The following GPALPP1 variants were observed in gnomAD, a reference collection of about 807,000 sequenced individuals.
The protein encoded by GPALPP1 is GPALPP motifs containing 1.
Under a neutral mutation model 38.9 loss-of-function variants are expected in GPALPP1, and 30 were observed. The ratio of observed to expected loss-of-function variants is 0.77; its 90% CI spans 0.58 to 1.05. The LOEUF is 1.05. GPALPP1 is among the 50% of genes least tolerant of loss of function. GPALPP1 has a pLI of 0.00. For missense variants in GPALPP1, 384 were observed against 408.8 expected (o/e 0.94, Z 0.52); for synonymous variants, 120 against 139.2 (o/e 0.86, Z 0.97).
intron 1 of GPALPP1, among the ~76,000 whole-genome samples, chr13:44,996,368 A>G (rs1034300383): frequency 2.0e-5 from 3 of 151,986 alleles, no homozygotes; most frequent in Non-Finnish European, 2.9e-5. Flanking sequence ...AAAAAAAAAA[A>G]ATTCCTTAAG....
rs1218501637 is a variant in GPALPP1 at position 45,030,180 on chromosome 13, CT to C, written c.*2178del. Reference sequence around the variant, plus strand: ...TGGAAAATTTATAATCATAACCCCCCTAATTGGGAGTATTATAAGTTTGTAA... The same window carrying C: ...TGGAAAATTTATAATCATAACCCCCCAATTGGGAGTATTATAAGTTTGTAA... On this transcript the variant is annotated 3_prime_UTR_variant, in exon 8 of 8. Transcript: ENST00000379151. The C allele has an allele frequency of 3.3e-5, 5 of 152,140 alleles. No homozygotes were observed. The highest frequency in any genetic ancestry group is 1.2e-4 in the African/African-American group (5 of 41,422). 9.4% of individuals were successfully genotyped at this position (152,140 alleles called of 1,614,324 possible). A position where few individuals can be genotyped will look rare whatever the true frequency, so the allele number is the denominator to read the frequency against.
intron 1 of GPALPP1, among the ~76,000 whole-genome samples, chr13:44,999,562 A>G (rs1480174946): frequency 1.3e-5 from 2 of 152,180 alleles, no homozygotes; most frequent in East Asian, 3.9e-4. Flanking sequence ...TGTGGCGTAT[A>G]CTGACTGACA....
intron 1 of GPALPP1, among the ~76,000 whole-genome samples, chr13:45,000,524 A>G (rs1175392663): frequency 6.6e-6 from 1 of 152,256 alleles, no homozygotes; most frequent in Admixed American, 6.5e-5. Context: ...ATTGCTTAAA[A>G]TATATAAAAG....
downstream of GPALPP1, among the ~76,000 whole-genome samples, chr13:45,032,838 C>T (rs1876268129): frequency 6.6e-6 from 1 of 151,174 alleles, no homozygotes; most frequent in South Asian, 2.1e-4. Flanking sequence ...GAGTTTGAGA[C>T]CCAGCCTGGG....
At chr13:45,019,314 A>G (rs2138002650) in intron 6 of GPALPP1, among the ~76,000 whole-genome samples, 1 of 151,330 alleles carries the variant, frequency 6.6e-6, no homozygotes, top group South Asian at 2.1e-4. Flanking sequence ...CGCCCAGCTA[A>G]TTTTTTGTAT....
In GPALPP1 at chr13:45,008,868, C is replaced by T. The variant is rs1278664846; in HGVS notation, c.397C>T (p.Pro133Ser). 6.4e-7 allele frequency: 1 copy of T among 1,568,982 alleles called. No homozygotes were observed. Among genetic ancestry groups the T allele is most frequent in the South Asian group, 1.1e-5 (1 of 90,126 alleles). Residue 133 changes from proline to serine, a missense_variant, in exon 4 of 8, where the codon CCA becomes TCA. Physicochemically the swap from Pro to Ser is moderately conservative, Grantham distance 74 (BLOSUM62 -1). Coordinates refer to ENST00000379151, the MANE Select transcript of GPALPP1 (RefSeq NM_018559.5). ...GAAAAGTGACAAGGGCAGAGATGAT[C>T]CAGGACAACAGGTATCATCATCCCA... is the stretch of plus-strand genomic sequence containing the variant. ...TQKSDKGRDDPGQQETDSSED... is the reference protein window; with the variant it reads ...TQKSDKGRDDSGQQETDSSED...
At chr13:45,005,807 T>G (rs1874045533) in intron 2 of GPALPP1, among the ~76,000 whole-genome samples, 1 of 152,102 alleles carries the variant, frequency 6.6e-6, no homozygotes, top group South Asian at 2.1e-4. Context: ...GGGAGATCAC[T>G]TGAGGTCAGG....
chr13:45,029,279 C>A lies in GPALPP1; in HGVS notation c.*1276C>A, dbSNP rs1876064681. The A allele has an allele frequency of 1.3e-5, 2 of 152,134 alleles. No homozygotes were observed. The highest frequency in any genetic ancestry group is 1.9e-4 in the East Asian group (1 of 5,198). The allele number at this position is 152,134 out of a possible 1,614,324, so 9.4% of individuals were successfully genotyped here. ...CAATGAAGAAAAGTTGAAGAATACTCTTTGTCCATCTTTATTTCTTTGTTT... is the reference window on the plus strand; with the variant it reads ...CAATGAAGAAAAGTTGAAGAATACTATTTGTCCATCTTTATTTCTTTGTTT... On this transcript the variant is annotated 3_prime_UTR_variant, in exon 8 of 8. Coordinates refer to ENST00000379151, the MANE Select transcript of GPALPP1 (RefSeq NM_018559.5).
chr13:45,019,101 A>ATATG lies in GPALPP1; in HGVS notation c.706-1226_706-1225insGTAT, dbSNP rs1246248311. 5.3e-5 allele frequency among the ~76,000 whole-genome samples: 7 copies of ATATG among 133,266 alleles called. No homozygotes were observed. In the East Asian group the frequency reaches 1.4e-3, roughly 26 times the overall value. The allele number at this position is 133,266 out of a possible 152,430, so 87.4% of individuals were successfully genotyped here. A position where few individuals can be genotyped will look rare whatever the true frequency, so the allele number is the denominator to read the frequency against. On this transcript the variant is annotated intron_variant, in intron 6 of 7. Coordinates refer to ENST00000379151, the MANE Select transcript of GPALPP1 (RefSeq NM_018559.5). ...CATATAAATATATGTATATATATTT[A>ATATG]TATATATTTATATGTATATATATTT...
At chr13:45,018,122 G>A (rs549518066) in intron 6 of GPALPP1, among the ~76,000 whole-genome samples, 1 of 152,278 alleles carries the variant, frequency 6.6e-6, no homozygotes, top group Non-Finnish European at 1.5e-5. Context: ...TGTTGTCTGG[G>A]CGTGGTGGCT....
chr13:45,016,503 T>A (rs997532700), intron 6 of GPALPP1, among the ~76,000 whole-genome samples: 6 of 152,228 alleles, frequency 3.9e-5, no homozygotes, highest in African/African-American at 1.2e-4. Flanking sequence ...ACATTATTTT[T>A]AATCTTCTGT....
intron 1 of GPALPP1, among the ~76,000 whole-genome samples, chr13:44,991,042 A>G (rs989926816): frequency 1.3e-5 from 2 of 151,786 alleles, no homozygotes; most frequent in South Asian, 2.1e-4. Flanking sequence ...GTGAGCCGAG[A>G]GTGCCACTGC....
chr13:45,034,759 C>CA (rs1187510190), downstream of GPALPP1: 5 of 130,160 alleles, frequency 3.8e-5, no homozygotes, highest in Admixed American at 1.7e-4. Flanking sequence ...TTTTTTGAGA[C>CA]AGAGTCTCCC....
At chr13:44,993,373 C>A (rs1872983270) in intron 1 of GPALPP1, among the ~76,000 whole-genome samples, 1 of 152,228 alleles carries the variant, frequency 6.6e-6, no homozygotes, top group African/African-American at 2.4e-5. Flanking sequence ...CGGTGACTCA[C>A]ACCTGTAATC....
intron 1 of GPALPP1, chr13:44,990,046 A>G (rs1872674979): frequency 2.0e-6 from 1 of 512,264 alleles, no homozygotes; most frequent in Non-Finnish European, 3.4e-6. Flanking sequence ...CGTATAAGAA[A>G]AAAACTATTT....
At chr13:45,017,387 AG>A (rs1874953659) in intron 6 of GPALPP1, among the ~76,000 whole-genome samples, 1 of 152,214 alleles carries the variant, frequency 6.6e-6, no homozygotes, top group South Asian at 2.1e-4. Context: ...CAACACATAT[AG>A]GGGCAGGAGA....
At chr13:44,993,075 T>C (rs1294758802) in intron 1 of GPALPP1, among the ~76,000 whole-genome samples, 1 of 152,228 alleles carries the variant, frequency 6.6e-6, no homozygotes, top group African/African-American at 2.4e-5. Context: ...CTTATTTCAC[T>C]TAGCATAATT....
At chr13:45,026,052 G>A (rs1451347143) in intron 7 of GPALPP1, among the ~76,000 whole-genome samples, 11 of 152,170 alleles carry the variant, frequency 7.2e-5, no homozygotes. Context: ...TTACAGGCGT[G>A]AGCCACTGCG....
intron 1 of GPALPP1, among the ~76,000 whole-genome samples, chr13:45,003,607 T>A (rs1873846681): frequency 6.6e-6 from 1 of 152,178 alleles, no homozygotes; most frequent in Non-Finnish European, 1.5e-5. Flanking sequence ...TGTGACATCA[T>A]CAGTGACATC....
Sources: gnomAD v4.1 joint callset for allele counts (sites outside exome capture counted in the v4.1 genomes callset) on GRCh38, gnomAD v4.1.1 for gene constraint, MANE v1.5 for transcripts, NCBI Gene and HGNC (gene_info 2026-07-23, HGNC 2026-07-21) for gene names.